The following WDR17 variants were observed in gnomAD, a reference collection of about 807,000 sequenced individuals.
WDR17 encodes WD repeat-containing protein 17.
Under a neutral mutation model 161.7 loss-of-function variants are expected in WDR17, and 143 were observed. The ratio of observed to expected loss-of-function variants is 0.88; its 90% CI spans 0.77 to 1.02. WDR17 has a LOEUF of 1.02. Among genes scored for constraint, WDR17 ranks in the 50% least tolerant of loss-of-function variants. The probability of loss-of-function intolerance (pLI) is 0.00; values close to 1 mark genes in which losing one functional copy is unlikely to be tolerated. For missense variants in WDR17, 1,469 were observed against 1,520.9 expected, an observed-to-expected ratio of 0.97 and a Z score of 0.57; for synonymous variants, 517 against 515.6, an observed-to-expected ratio of 1.00 and a Z score of -0.04.
chr4:176,127,289 A>C (rs1742599417), intron 5 of WDR17, among the ~76,000 whole-genome samples: 1 of 149,844 alleles, frequency 6.7e-6, no homozygotes, highest in African/African-American at 2.5e-5. Flanking sequence ...AATAATAGGC[A>C]TGGAATTTTT....
intron 1 of WDR17, chr4:176,096,674 C>T (rs1386707192): frequency 1.9e-5 from 21 of 1,081,516 alleles, no homozygotes; most frequent in East Asian, 1.1e-4. Context: ...TCATTTATAT[C>T]GTGGACATTT....
In WDR17 at chr4:176,111,678, C is replaced by T. The variant is rs772361450; in HGVS notation, c.98C>T (p.Ala33Val). 25 of 1,601,162 alleles carry T rather than the reference C, an allele frequency of 1.6e-5. No individual in the cohort carries two copies. Among genetic ancestry groups the T allele is most frequent in the South Asian group, 7.9e-5 (7 of 89,088 alleles). ...AGTGGAGACAGGTTTGCATATTGTG[C>T]GACCCTGGCTATCTATATTTATCAG... ...AASGDRFAYC[A>V]TLAIYIYQLD... is the part of the protein sequence containing the mutation. Residue 33 changes from alanine to valine, a missense_variant, in exon 2 of 29, where the codon GCG becomes GTG. Transcript: ENST00000508596.
chr4:176,155,545 G>GTTTTTTTTTTTTTTTTTTTTTTT (rs869207103), intron 17 of WDR17, among the ~76,000 whole-genome samples: 3 of 105,248 alleles, frequency 2.9e-5, no homozygotes, highest in Non-Finnish European at 3.8e-5. Context: ...ATTTGTTTGT[G>GTTTTTTTTTTTTTTTTTTTTTTT]TTTTTTTTTT....
intron 1 of WDR17, among the ~76,000 whole-genome samples, chr4:176,110,766 A>T (rs1187334360): frequency 6.6e-6 from 1 of 152,152 alleles, no homozygotes; most frequent in Non-Finnish European, 1.5e-5. Flanking sequence ...AGATACGAGA[A>T]ATAGAGACGT....
Position 176,151,827 on chromosome 4 carries a change from C to G in WDR17, c.2320C>G (p.Leu774Val), listed in dbSNP as rs1425956306. ...TTAAAACCAGTCTGAAGCTCAAGAA[C>G]TAACAACAGTCAAGATGTCTAAATT... is the stretch of plus-strand genomic sequence containing the variant. ...IKFRTSEAQE[L>V]TTVKMSKFGG... The change falls in exon 17 of 29, where the codon CTA becomes GTA. Residue 774 changes from leucine to valine, a missense_variant. Coordinates refer to ENST00000508596, the MANE Select transcript of WDR17 (RefSeq NM_181265.4). 8 of 1,589,586 alleles carry G rather than the reference C, an allele frequency of 5.0e-6. No individual in the cohort carries two copies. The highest frequency in any genetic ancestry group is 8.5e-7 in the Non-Finnish European group (1 of 1,172,354).
chr4:176,091,850 A>C (rs1490651624), intron 1 of WDR17, among the ~76,000 whole-genome samples: 1 of 152,142 alleles, frequency 6.6e-6, no homozygotes, highest in African/African-American at 2.4e-5. Flanking sequence ...TTACATGTCA[A>C]TAAATTAGAA....
intron 1 of WDR17, among the ~76,000 whole-genome samples, chr4:176,103,456 T>A (rs1464195829): frequency 6.6e-6 from 1 of 151,842 alleles, no homozygotes; most frequent in Admixed American, 6.6e-5. Context: ...AATAAACAGA[T>A]GCTTTCTGAA....
chr4:176,111,723 C>A lies in WDR17; in HGVS notation c.123+20C>A. On this transcript the variant is annotated intron_variant, in intron 2 of 28. Transcript: ENST00000508596. Reference sequence around the variant, plus strand: ...TATCAGGTAAAATAATAATTCTTTTCCATTTTTAATTATATCCGGTAAAAT... The same window carrying A: ...TATCAGGTAAAATAATAATTCTTTTACATTTTTAATTATATCCGGTAAAAT... 1 of 1,531,064 alleles carries A rather than the reference C, an allele frequency of 6.5e-7. No individual in the cohort carries two copies. Among genetic ancestry groups the A allele is most frequent in the East Asian group, 2.4e-5 (1 of 41,938 alleles). The allele number at this position is 1,531,064 out of a possible 1,614,324, so 94.8% of individuals were successfully genotyped here.
chr4:176,139,778 A>C, intron 9 of WDR17, 114 bp from the exon 10 acceptor site: 1 of 754,136 alleles, frequency 1.3e-6, no homozygotes, highest in Non-Finnish European at 2.1e-6. Context: ...TGCCTCTGTT[A>C]GTGTCATCTA....
chr4:176,159,940 C>T, intron 18 of WDR17, 54 bp from the exon 19 acceptor site: 2 of 1,449,666 alleles, frequency 1.4e-6, no homozygotes, highest in Non-Finnish European at 1.8e-6. Flanking sequence ...TCTCAATTCA[C>T]CTAAAAACCT....
Position 176,154,351 on chromosome 4 carries a change from G to A in WDR17, c.2461-1728G>A, listed in dbSNP as rs554680787. On this transcript the variant is annotated intron_variant, in intron 17 of 28. Coordinates refer to ENST00000508596, the MANE Select transcript of WDR17 (RefSeq NM_181265.4). ...CAAAAATTAGCTGGGCGTGGTGGCG[G>A]GTTCCTGTAGTCCCAGCTACTCAGG... 2.2e-3 allele frequency among the ~76,000 whole-genome samples: 341 copies of A among 152,106 alleles called. 2 individuals are homozygous for A. Among genetic ancestry groups the A allele is most frequent in the African/African-American group, 7.9e-3 (328 of 41,504 alleles).
intron 1 of WDR17, among the ~76,000 whole-genome samples, chr4:176,076,926 G>A (rs1734121036): frequency 6.6e-6 from 1 of 151,204 alleles, no homozygotes; most frequent in Non-Finnish European, 1.5e-5. Context: ...AACATTGATA[G>A]AAATCTATGT....
intron 1 of WDR17, among the ~76,000 whole-genome samples, chr4:176,085,454 G>A (rs1579007354): frequency 6.6e-6 from 1 of 152,086 alleles, no homozygotes; most frequent in East Asian, 1.9e-4. Context: ...GGTTGTGTAT[G>A]GGAAAAGTTT....
At chr4:176,135,925 C>T (rs1197028549) in intron 8 of WDR17, among the ~76,000 whole-genome samples, 7 of 151,586 alleles carry the variant, frequency 4.6e-5, no homozygotes, top group African/African-American at 1.7e-4. Context: ...AATTCAATAA[C>T]TACATGTAAT....
intron 1 of WDR17, among the ~76,000 whole-genome samples, chr4:176,104,994 T>TTG (rs1240494982): frequency 6.6e-6 from 1 of 151,652 alleles, no homozygotes; most frequent in African/African-American, 2.4e-5. Flanking sequence ...TTGATTCACT[T>TTG]GAGATCCAAA....
In WDR17 at chr4:176,111,636, A is replaced by C. The variant is rs746964800; in HGVS notation, c.56A>C (p.Lys19Thr). Residue 19 changes from lysine to threonine, a missense_variant, in exon 2 of 29, where the codon AAG becomes ACG. Transcript: ENST00000508596. ...GCTGCTGGATGTCAGCCATGGAACA[A>C]GGATGTATGTGCTGCCAGTGGAGAC... ...LLAAGCQPWN[K>T]DVCAASGDRF... 20 of 1,611,530 alleles carry C rather than the reference A, an allele frequency of 1.2e-5. No homozygotes were observed. Among genetic ancestry groups the C allele is most frequent in the Admixed American group, 1.7e-5 (1 of 59,900 alleles).
At chr4:176,130,541 G>C (rs572887859) in intron 6 of WDR17, among the ~76,000 whole-genome samples, 30 of 152,040 alleles carry the variant, frequency 2.0e-4, no homozygotes, top group African/African-American at 5.8e-4. Context: ...TCAGGAGATC[G>C]AGACCATCCT....
Position 176,172,411 on chromosome 4 carries a change from G to C in WDR17, c.3139G>C (p.Ala1047Pro), listed in dbSNP as rs1198617451. The C allele has an allele frequency of 3.6e-5, 58 of 1,610,652 alleles. No individual in the cohort carries two copies. Among genetic ancestry groups the C allele is most frequent in the Non-Finnish European group, 4.6e-5 (54 of 1,179,228 alleles). ...CACAGTGGAAGAATGTATGCAGTTA[G>C]CTGAGACAGCCCGTGCAGATGACAA... ...LPTVEECMQL[A>P]ETARADDNIF... The change falls in exon 24 of 29, where the codon GCT (alanine) becomes CCT (proline). Residue 1047 changes from alanine to proline, a missense_variant. By Grantham distance (27) the Ala-to-Pro change is conservative (BLOSUM62 -1). Coordinates refer to ENST00000508596, the MANE Select transcript of WDR17 (RefSeq NM_181265.4).
chr4:176,096,346 A>G (rs1736852152), intron 1 of WDR17: 4 of 423,832 alleles, frequency 9.4e-6, no homozygotes, highest in African/African-American at 2.1e-5. Context: ...CTTGTAAAAA[A>G]TTAAAATTGT....
Sources: allele counts gnomAD v4.1 joint callset (sites outside exome capture counted in the v4.1 genomes callset), GRCh38; gene constraint gnomAD v4.1.1; transcripts MANE v1.5; gene names NCBI Gene and HGNC (gene_info 2026-07-23, HGNC 2026-07-21).